Variants in MUC17 observed in about 807,000 individuals in gnomAD.
The protein encoded by MUC17 is mucin-17.
In MUC17, 190 loss-of-function variants were observed where a neutral mutation model predicts 170.3. That is an observed-to-expected ratio of 1.12 (90% CI 0.99 to 1.26). The LOEUF (loss-of-function observed/expected upper bound fraction) is 1.26. Among genes scored for constraint, MUC17 ranks in the 50% most tolerant of loss-of-function variants. The pLI is 0.00. For synonymous variants in MUC17, 2,325 were observed against 2,002.5 expected (o/e 1.16, Z -4.30); for missense variants, 6,415 against 5,530.0 (o/e 1.16, Z -5.08).
rs1423218190 is a variant in MUC17, at chr7:101,032,724, T to A, written c.1308T>A (p.Thr436=). 3.2e-6 allele frequency: 5 copies of A among 1,577,768 alleles called. No individual in the cohort carries two copies. Among genetic ancestry groups the A allele is most frequent in the Non-Finnish European group, 4.3e-6 (5 of 1,155,238 alleles). Reference sequence around the variant, plus strand: ...GTGAAGCCAGCTCATCTCCCACAACTGCTGAAGATACCAGCATTGCAACCT... The same window carrying A: ...GTGAAGCCAGCTCATCTCCCACAACAGCTGAAGATACCAGCATTGCAACCT... ...TASEASSSPT[T]AEDTSIATST... Residue 436 remains threonine (T), a synonymous_variant, in exon 3 of 13, where the codon ACT becomes ACA. Coordinates refer to ENST00000306151, the MANE Select transcript of MUC17 (RefSeq NM_001040105.2).
Position 101,033,834 on chromosome 7 carries a change from T to C in MUC17, c.2418T>C (p.Pro806=). 6.2e-7 allele frequency: 1 copy of C among 1,613,594 alleles called. No homozygotes were observed. Among genetic ancestry groups the C allele is most frequent in the Non-Finnish European group, 8.5e-7 (1 of 1,179,912 alleles). The change falls in exon 3 of 13, where the codon CCT becomes CCC. Residue 806 remains proline (P), a synonymous_variant. Transcript: ENST00000306151. Reference sequence around the variant, plus strand: ...TCTCAACTCCTAGTGAAGGAAGTCCTTTATTAACAAGTATACCTGTCAGCA... The same window carrying C: ...TCTCAACTCCTAGTGAAGGAAGTCCCTTATTAACAAGTATACCTGTCAGCA... ...MPISTPSEGS[P]LLTSIPVSIT... is the part of the protein sequence containing the mutation.
rs952437295 is a variant in MUC17 at position 101,058,196 on chromosome 7, G to C, written c.*152G>C. The C allele has an allele frequency of 4.8e-6, 3 of 624,576 alleles. No homozygotes were observed. In the East Asian group the frequency reaches 8.4e-5, roughly 18 times the overall value. 38.7% of individuals were successfully genotyped at this position (624,576 alleles called of 1,614,324 possible). On this transcript the variant is annotated 3_prime_UTR_variant, in exon 13 of 13. Coordinates refer to ENST00000306151, the MANE Select transcript of MUC17 (RefSeq NM_001040105.2). Reference sequence around the variant, plus strand: ...GTACTTACCAAGGAGAAAGAGGAGAGACAGCAGTGCTGGGAGATTCTCAAA... The same window carrying C: ...GTACTTACCAAGGAGAAAGAGGAGACACAGCAGTGCTGGGAGATTCTCAAA...
Position 101,033,238 on chromosome 7 carries a change from A to G in MUC17, c.1822A>G (p.Ser608Gly). 6.2e-7 allele frequency: 1 copy of G among 1,614,090 alleles called. No homozygotes were observed. The highest frequency in any genetic ancestry group is 1.1e-5 in the South Asian group (1 of 91,076). Residue 608 changes from serine to glycine, a missense_variant, in exon 3 of 13, where the codon AGT becomes GGT. By Grantham distance (56) the Ser-to-Gly change is moderately conservative (BLOSUM62 0). Transcript: ENST00000306151. ...TTTTGTGACCACTTCTAGTGAAGCTAGTTCATCTTCTACAACTGCTGAAGG... is the reference window on the plus strand; with the variant it reads ...TTTTGTGACCACTTCTAGTGAAGCTGGTTCATCTTCTACAACTGCTGAAGG... The part of the protein sequence containing the change: ...NTFVTTSSEA[S>G]SSSTTAEGTS...
chr7:101,035,331 T>TA lies in MUC17; in HGVS notation c.3918dup (p.Gly1307ArgfsTer7), dbSNP rs773676098. On this transcript the variant is annotated frameshift_variant, in exon 3 of 13. Transcript: ENST00000306151. LOFTEE classifies it high-confidence loss of function. ...CCCTTTTAACAACTCCTGTTGACAC[T>TA]AAAGGTCCTGTGGTCACTTCTAATG... 5.0e-6 allele frequency: 8 copies of TA among 1,606,550 alleles called. No homozygotes were observed. In the South Asian group the frequency reaches 8.8e-5, roughly 18 times the overall value.
Position 101,035,551 on chromosome 7 carries a change from A to G in MUC17, c.4135A>G (p.Thr1379Ala). The G allele has an allele frequency of 1.3e-6, 2 of 1,596,492 alleles. No homozygotes were observed. The highest frequency in any genetic ancestry group is 2.2e-5 in the South Asian group (2 of 89,808). ...TTSTEACSSP[T>A]TSEGTSMPNS... ...TTCTACTGAAGCCTGTTCATCTCCTACAACTTCTGAAGGTACCAGCATGCC... is the reference window on the plus strand; with the variant it reads ...TTCTACTGAAGCCTGTTCATCTCCTGCAACTTCTGAAGGTACCAGCATGCC... The change falls in exon 3 of 13, where the codon ACA becomes GCA. Residue 1379 changes from threonine (T) to alanine (A), a missense_variant. By Grantham distance (58) the Thr-to-Ala change is moderately conservative (BLOSUM62 0). Transcript: ENST00000306151.
rs1323456897 is a variant in MUC17 at position 101,033,088 on chromosome 7, A to G, written c.1672A>G (p.Thr558Ala). The stretch of plus-strand genomic sequence containing the variant: ...TTCATCTTCTACAACTCCTGAAGGT[A>G]CCAGCATACCAACCTCAACTCCTAG... ...ASSSSTTPEGTSIPTSTPSEG... is the reference protein window; with the variant it reads ...ASSSSTTPEGASIPTSTPSEG... Residue 558 changes from threonine (T) to alanine (A), a missense_variant, in exon 3 of 13, where the codon ACC becomes GCC. Thr to Ala is a moderately conservative substitution (Grantham distance 58). Coordinates refer to ENST00000306151, the MANE Select transcript of MUC17 (RefSeq NM_001040105.2). 2.0e-5 allele frequency: 33 copies of G among 1,613,282 alleles called. No individual in the cohort carries two copies. Among genetic ancestry groups the G allele is most frequent in the Non-Finnish European group, 2.7e-5 (32 of 1,179,784 alleles).
In MUC17 at chr7:101,033,514, G is replaced by A; in HGVS notation, c.2098G>A (p.Val700Met). Residue 700 changes from valine to methionine, a missense_variant, in exon 3 of 13, where the codon GTG becomes ATG. Transcript: ENST00000306151. ...LTSMPVNTTL[V>M]ASSEASTLST... is the part of the protein sequence containing the mutation. ...AAGTATGCCTGTCAACACCACACTG[G>A]TGGCCAGTTCTGAGGCTAGCACCCT... The A allele has an allele frequency of 6.2e-7, 1 of 1,613,630 alleles. No individual in the cohort carries two copies. The highest frequency in any genetic ancestry group is 8.5e-7 in the Non-Finnish European group (1 of 1,179,910).
intron 12 of MUC17, among the ~76,000 whole-genome samples, chr7:101,057,546 C>A (rs562544510): frequency 6.6e-6 from 1 of 152,246 alleles, no homozygotes; most frequent in East Asian, 1.9e-4. Flanking sequence ...AGTTTAGGAC[C>A]AGCCTGGGCA....
rs772281754 is a variant in MUC17, at chr7:101,032,914, A to C, written c.1498A>C (p.Ser500Arg). 2 of 1,613,994 alleles carry C rather than the reference A, an allele frequency of 1.2e-6. No homozygotes were observed. Among genetic ancestry groups the C allele is most frequent in the South Asian group, 2.2e-5 (2 of 91,056 alleles). The change falls in exon 3 of 13, where the codon AGC becomes CGC. Residue 500 changes from serine (S) to arginine (R), a missense_variant. Coordinates refer to ENST00000306151, the MANE Select transcript of MUC17 (RefSeq NM_001040105.2). ...ATCTCCTCCAACTGCTGAAGTTAACAGCATGCCAACCTCAACTCCTAGTGA... is the reference window on the plus strand; with the variant it reads ...ATCTCCTCCAACTGCTGAAGTTAACCGCATGCCAACCTCAACTCCTAGTGA... ...SSSPPTAEVN[S>R]MPTSTPSEGS... is the part of the protein sequence containing the mutation.
intron 11 of MUC17, among the ~76,000 whole-genome samples, chr7:101,054,062 A>AG (rs1795006998): frequency 3.6e-5 from 1 of 27,708 alleles, no homozygotes; most frequent in Non-Finnish European, 8.1e-5. Context: ...CCTGTCAAAA[A>AG]AAAAAAAAAA....
rs371699299 is a variant in MUC17 at position 101,035,838 on chromosome 7, C to G, written c.4422C>G (p.Thr1474=). 3.1e-6 allele frequency: 5 copies of G among 1,599,508 alleles called. No homozygotes were observed. The highest frequency in any genetic ancestry group is 2.6e-6 in the Non-Finnish European group (3 of 1,171,620). The change falls in exon 3 of 13, where the codon ACC becomes ACG. Residue 1474 remains threonine, a synonymous_variant. Transcript: ENST00000306151. ...CGGTGGCCAATTCTGAGGCTAGCAC[C>G]CTTTCAACAACTCCTGTTGACTCTA... The part of the protein sequence containing the change: ...NTPVANSEAS[T]LSTTPVDSNS...
In MUC17 at chr7:101,056,184, C is replaced by T. The variant is rs1331735280; in HGVS notation, c.13364-10C>T. Reference sequence around the variant, plus strand: ...TCCTGTTTCCATGGTGCTTTCCATCCCTCCACAAGATGATGATTCCATCCA... The same window carrying T: ...TCCTGTTTCCATGGTGCTTTCCATCTCTCCACAAGATGATGATTCCATCCA... On this transcript the variant is annotated splice_polypyrimidine_tract_variant and intron_variant, in intron 11 of 12. Transcript: ENST00000306151. The T allele has an allele frequency of 6.2e-7, 1 of 1,613,640 alleles. No individual in the cohort carries two copies. Among genetic ancestry groups the T allele is most frequent in the East Asian group, 2.2e-5 (1 of 44,856 alleles).
At position 101,036,634 on chromosome 7, in the gene MUC17, C is replaced by T; in HGVS notation, c.5218C>T (p.Pro1740Ser). ...SPTTSEGTSM[P>S]NSTPSEGTTP... ...TACAACTTCTGAAGGTACCAGCATG[C>T]CAAACTCAACTCCTAGTGAAGGAAC... Residue 1740 changes from proline to serine, a missense_variant, in exon 3 of 13, where the codon CCA becomes TCA. By Grantham distance (74) the Pro-to-Ser change is moderately conservative. Transcript: ENST00000306151. 1 of 1,609,154 alleles carries T rather than the reference C, an allele frequency of 6.2e-7. No individual in the cohort carries two copies.
At chr7:101,023,244 C>T (rs1337489887) in intron 1 of MUC17, among the ~76,000 whole-genome samples, 1 of 152,086 alleles carries the variant, frequency 6.6e-6, no homozygotes, top group Admixed American at 6.6e-5. Flanking sequence ...CGATCCCCTG[C>T]AAAAACCCTA....
In MUC17 at chr7:101,057,759, A is replaced by C. The variant is rs6950080; in HGVS notation, c.13441-244A>C. On this transcript the variant is annotated intron_variant, in intron 12 of 12. Coordinates refer to ENST00000306151, the MANE Select transcript of MUC17 (RefSeq NM_001040105.2). Reference sequence around the variant, plus strand: ...TTCAGGTGTGGTTGTGTGCACATGTAGTCCTAGCTACTTGGGAGGCTGAGG... The same window carrying C: ...TTCAGGTGTGGTTGTGTGCACATGTCGTCCTAGCTACTTGGGAGGCTGAGG... Among the ~76,000 whole-genome samples, 600 of 152,282 alleles carry C rather than the reference A, an allele frequency of 3.9e-3. 4 individuals carry two copies. Among genetic ancestry groups the C allele is most frequent in the African/African-American group, 0.014 (584 of 41,552 alleles).
At chr7:101,046,534 G>A (rs1473305666) in intron 3 of MUC17, among the ~76,000 whole-genome samples, 1 of 152,190 alleles carries the variant, frequency 6.6e-6, no homozygotes, top group Non-Finnish European at 1.5e-5. Flanking sequence ...CCAGGATTTT[G>A]TGAGGCTGAG....
At chr7:101,049,993 T>C (rs1794908480) in intron 6 of MUC17, among the ~76,000 whole-genome samples, 1 of 152,100 alleles carries the variant, frequency 6.6e-6, no homozygotes, top group African/African-American at 2.4e-5. Flanking sequence ...TAGCAGGGTA[T>C]GGTGGTATAC....
chr7:101,029,294 T>C (rs1584856721), intron 1 of MUC17, among the ~76,000 whole-genome samples: 4 of 152,012 alleles, frequency 2.6e-5, no homozygotes, highest in Admixed American at 6.5e-5. Context: ...AGGCAGAGGT[T>C]GCAGTGAGCA....
chr7:101,037,407 G>T lies in MUC17; in HGVS notation c.5991G>T (p.Val1997=). The T allele has an allele frequency of 6.2e-7, 1 of 1,612,978 alleles. No homozygotes were observed. The highest frequency in any genetic ancestry group is 8.5e-7 in the Non-Finnish European group (1 of 1,179,294). Residue 1997 remains valine, a synonymous_variant, in exon 3 of 13, where the codon GTG becomes GTT. Transcript: ENST00000306151. ...LTSMPLSTTL[V]VSSEASTLST... The stretch of plus-strand genomic sequence containing the variant: ...GTATGCCTCTCAGCACCACGCTGGT[G>T]GTCAGTTCTGAGGCTAGCACTCTTT...
Sources: allele counts gnomAD v4.1 joint callset (sites outside exome capture counted in the v4.1 genomes callset), GRCh38; gene constraint gnomAD v4.1.1; transcripts MANE v1.5; gene names NCBI Gene and HGNC (gene_info 2026-07-23, HGNC 2026-07-21).